The following SEC31A variants were observed in gnomAD, a reference collection of about 807,000 sequenced individuals.
SEC31A encodes protein transport protein Sec31A.
A neutral mutation model predicts 151.0 loss-of-function variants in SEC31A; 70 were observed. The ratio of observed to expected loss-of-function variants is 0.46; its 90% CI spans 0.38 to 0.57. The LOEUF is 0.57. Among genes scored for constraint, SEC31A ranks in the 20% least tolerant of loss-of-function variants. The probability of loss-of-function intolerance (pLI) is 0.00; values close to 1 mark genes in which losing one functional copy is unlikely to be tolerated. For synonymous variants in SEC31A, 475 were observed against 505.9 expected (o/e 0.94, Z 0.82); for missense variants, 1,330 against 1,471.2 (o/e 0.90, Z 1.57).
At position 82,827,621 on chromosome 4, in the gene SEC31A, G is replaced by A; in HGVS notation, c.3039C>T (p.Asn1013=). 1.2e-6 allele frequency: 2 copies of A among 1,613,600 alleles called. No homozygotes were observed. Among genetic ancestry groups the A allele is most frequent in the South Asian group, 1.1e-5 (1 of 91,050 alleles). The change falls in exon 24 of 27, where the codon AAC becomes AAT. Residue 1013 remains asparagine, a synonymous_variant. Transcript: ENST00000395310. ...ATGTGATGGGAACAGGAGGCATGAAGTTTTCAGGCATCTGTTAAAAGATGG... is the reference window on the plus strand; with the variant it reads ...ATGTGATGGGAACAGGAGGCATGAAATTTTCAGGCATCTGTTAAAAGATGG... ...RVPKKKKMPE[N]FMPPVPITSP...
chr4:82,883,201 A>T (rs561976169), intron 1 of SEC31A, among the ~76,000 whole-genome samples: 1 of 152,354 alleles, frequency 6.6e-6, no homozygotes, highest in Non-Finnish European at 1.5e-5. Context: ...TTTTACATAA[A>T]TATATTGAAA....
At chr4:82,856,212 G>A (rs914419673) in intron 16 of SEC31A, among the ~76,000 whole-genome samples, 1 of 151,904 alleles carries the variant, frequency 6.6e-6, no homozygotes, top group African/African-American at 2.4e-5. Context: ...GTGCAATGGC[G>A]TGATCTCGGC....
intron 1 of SEC31A, among the ~76,000 whole-genome samples, chr4:82,883,988 C>CTTTTTTT (rs11373334): frequency 7.9e-6 from 1 of 125,968 alleles, no homozygotes. Flanking sequence ...CTTTTCTATT[C>CTTTTTTT]TTTTTTTTTT....
upstream of SEC31A, among the ~76,000 whole-genome samples, chr4:82,891,464 C>T (rs1443062096): frequency 6.6e-6 from 1 of 152,190 alleles, no homozygotes; most frequent in Non-Finnish European, 1.5e-5. Context: ...AGAGGGTGTC[C>T]CCGTCTGGCC....
chr4:82,835,889 A>T (rs1368509842), intron 22 of SEC31A, among the ~76,000 whole-genome samples: 2 of 152,210 alleles, frequency 1.3e-5, no homozygotes, highest in East Asian at 3.8e-4. Context: ...TTACTACTTC[A>T]AACCCATTAG....
intron 26 of SEC31A, among the ~76,000 whole-genome samples, chr4:82,820,284 G>A (rs995278724): frequency 7.9e-5 from 12 of 151,674 alleles, no homozygotes; most frequent in Admixed American, 4.6e-4. Flanking sequence ...ACTTTATTTT[G>A]GATCAGTCCA....
At chr4:82,891,416 G>A (rs1719744035), upstream of SEC31A, 2 of 584,504 alleles carry the variant, frequency 3.4e-6, no homozygotes, top group African/African-American at 3.8e-5. Flanking sequence ...GCAGAATGTG[G>A]ATGGGGTAGC....
chr4:82,885,346 T>C (rs992559764), intron 1 of SEC31A, among the ~76,000 whole-genome samples: 1 of 152,182 alleles, frequency 6.6e-6, no homozygotes, highest in Admixed American at 6.5e-5. Flanking sequence ...TCTTTCATTG[T>C]CTGTTTTCTT....
chr4:82,897,970 A>T (rs886410945), intron 3 of SEC31A: 7 of 152,364 alleles, frequency 4.6e-5, no homozygotes, highest in Admixed American at 6.5e-5. Flanking sequence ...AATACATTTA[A>T]AATAGAAAGA....
At chr4:82,861,063 A>T (rs982052987) in intron 14 of SEC31A, among the ~76,000 whole-genome samples, 2 of 137,858 alleles carry the variant, frequency 1.5e-5, no homozygotes, top group Non-Finnish European at 3.1e-5. Flanking sequence ...TTTGTTCATT[A>T]GTGGTTAAAA....
intron 19 of SEC31A, among the ~76,000 whole-genome samples, chr4:82,851,063 T>C (rs1268328892): frequency 1.3e-5 from 2 of 152,336 alleles, no homozygotes; most frequent in South Asian, 2.1e-4. Flanking sequence ...AACAACTCCA[T>C]TTGTTTGATT....
chr4:82,898,236 A>C (rs948962402), intron 3 of SEC31A, among the ~76,000 whole-genome samples: 7 of 152,362 alleles, frequency 4.6e-5, no homozygotes, highest in Middle Eastern at 3.4e-3. Flanking sequence ...TTACTAGAAG[A>C]AGCAATGATA....
chr4:82,836,388 A>AG lies in SEC31A; in HGVS notation c.2968+5751_2968+5752insC, dbSNP rs1293471812. Among the ~76,000 whole-genome samples the AG allele has an allele frequency of 6.2e-3, 935 of 151,466 alleles. 11 individuals carry two copies. Among genetic ancestry groups the AG allele is most frequent in the African/African-American group, 0.022 (885 of 41,140 alleles). On this transcript the variant is annotated intron_variant, in intron 22 of 26. Transcript: ENST00000395310. Reference sequence around the variant, plus strand: ...ACTCCATCTCAAAAAAAAAAAAAAAAAAAAGAAAAAGAATTAACAGCAAGG... The same window carrying AG: ...ACTCCATCTCAAAAAAAAAAAAAAAAGAAAAGAAAAAGAATTAACAGCAAGG...
intron 20 of SEC31A, among the ~76,000 whole-genome samples, chr4:82,847,607 G>A (rs77638040): frequency 1.3e-5 from 2 of 152,166 alleles, no homozygotes; most frequent in East Asian, 1.9e-4. Context: ...GCCATGCAAC[G>A]CTGAGAAATT....
chr4:82,898,540 T>C (rs1212551772), intron 3 of SEC31A, among the ~76,000 whole-genome samples: 5 of 152,238 alleles, frequency 3.3e-5, no homozygotes, highest in African/African-American at 1.2e-4. Context: ...GGAAGCACAC[T>C]ATTTCATCTT....
intron 18 of SEC31A, among the ~76,000 whole-genome samples, 200 bp from the exon 19 acceptor site, chr4:82,851,804 G>A (rs918023216): frequency 8.5e-5 from 13 of 152,144 alleles, no homozygotes; most frequent in South Asian, 2.1e-4. Context: ...TTATGGATAG[G>A]GTAGGATAGG....
chr4:82,822,158 T>C (rs1279143835), intron 25 of SEC31A, among the ~76,000 whole-genome samples: 1 of 152,252 alleles, frequency 6.6e-6, no homozygotes, highest in Non-Finnish European at 1.5e-5. Context: ...TCAATATTTA[T>C]TGGCTGCTTA....
intron 22 of SEC31A, among the ~76,000 whole-genome samples, chr4:82,841,442 T>TATATATATATATATA (rs1728733052): frequency 4.7e-5 from 3 of 64,456 alleles, no homozygotes; most frequent in African/African-American, 7.8e-5. Context: ...AAAAAAAATT[T>TATATATATATATATA]TATATATATA....
At chr4:82,865,477 T>A (rs772217633) in intron 10 of SEC31A, among the ~76,000 whole-genome samples, 1 of 137,580 alleles carries the variant, frequency 7.3e-6, no homozygotes, top group Non-Finnish European at 1.6e-5. Context: ...TTATTCACAA[T>A]AGCCAAAAGG....
Sources: gnomAD v4.1 joint callset for allele counts (sites outside exome capture counted in the v4.1 genomes callset) on GRCh38, gnomAD v4.1.1 for gene constraint, MANE v1.5 for transcripts, NCBI Gene and HGNC (gene_info 2026-07-23, HGNC 2026-07-21) for gene names.